The following DCDC2C variants were observed in gnomAD, a reference collection of about 807,000 sequenced individuals.
DCDC2C encodes the protein doublecortin domain containing 2C, also known as doublecortin domain-containing protein 2C.
In DCDC2C, 44 loss-of-function variants were observed where a neutral mutation model predicts 45.0. That is an observed-to-expected ratio of 0.98 (90% CI 0.77 to 1.26). The LOEUF is 1.26. Ranked by LOEUF, DCDC2C falls within the 50% of genes most tolerant of loss-of-function variation. The probability of loss-of-function intolerance (pLI) is 0.00; values close to 1 mark genes in which losing one functional copy is unlikely to be tolerated. For missense variants in DCDC2C, 447 were observed against 468.9 expected, an observed-to-expected ratio of 0.95 and a Z score of 0.43; for synonymous variants, 187 against 178.8, an observed-to-expected ratio of 1.05 and a Z score of -0.37.
At chr2:3,847,123 C>T (rs2148251417) in intron 10 of DCDC2C, 31 bp from the exon 11 acceptor site, 3 of 1,220,236 alleles carry the variant, frequency 2.5e-6, no homozygotes, top group Non-Finnish European at 3.1e-6. Flanking sequence ...TGAAGATGTT[C>T]TCTGTTAACC....
chr2:3,844,241 C>G (rs1672275668), intron 10 of DCDC2C: 1 of 152,858 alleles, frequency 6.5e-6, no homozygotes, highest in South Asian at 2.1e-4. Flanking sequence ...GCAGCCATGC[C>G]TGGGACAGCC....
chr2:3,762,162 C>CTTTTTTTTTTTTTTTTTTTTTTTTT (rs56067833), intron 6 of DCDC2C, among the ~76,000 whole-genome samples: 1 of 127,644 alleles, frequency 7.8e-6, no homozygotes, highest in Non-Finnish European at 1.6e-5. Context: ...TTGCTTGAAC[C>CTTTTTTTTTTTTTTTTTTTTTTTTT]TTTTTTTTTT....
chr2:3,847,059 C>T, intron 10 of DCDC2C, 95 bp from the exon 11 acceptor site: 1 of 336,062 alleles, frequency 3.0e-6, no homozygotes, highest in Non-Finnish European at 4.2e-6. Flanking sequence ...CAGAATCCAA[C>T]AGAAATGCAA....
intron 10 of DCDC2C, among the ~76,000 whole-genome samples, chr2:3,805,112 A>G (rs1671206738): frequency 6.6e-6 from 1 of 152,212 alleles, no homozygotes; most frequent in Admixed American, 6.5e-5. Flanking sequence ...TGCAGGGCCA[A>G]TGACAACTGA....
rs748436570 is a variant in DCDC2C at position 3,734,813 on chromosome 2, A to T, written c.417-7107A>T. 6.6e-6 allele frequency among the ~76,000 whole-genome samples: 1 copy of T among 152,222 alleles called. No homozygotes were observed. The highest frequency in any genetic ancestry group is 2.4e-5 in the African/African-American group (1 of 41,452). ...TCCTCTCCTTCATGCACAAGGAAGGACAAAGGCAGGGAGTAATTGGGAAGT... is the reference window on the plus strand; with the variant it reads ...TCCTCTCCTTCATGCACAAGGAAGGTCAAAGGCAGGGAGTAATTGGGAAGT... On this transcript the variant is annotated intron_variant, in intron 3 of 10. Transcript: ENST00000399143. This position sits in a 1 kb window ranked among gnomAD's most constrained non-coding sequence, Gnocchi z 4.2.
intron 10 of DCDC2C, among the ~76,000 whole-genome samples, chr2:3,806,600 T>C (rs561992429): frequency 6.6e-6 from 1 of 151,432 alleles, no homozygotes; most frequent in Non-Finnish European, 1.5e-5. Context: ...TGGAGTGCAA[T>C]GGCGTGATCT....
At chr2:3,762,953 G>T (rs376793086) in intron 6 of DCDC2C, among the ~76,000 whole-genome samples, 1 of 152,124 alleles carries the variant, frequency 6.6e-6, no homozygotes, top group Admixed American at 6.5e-5. Flanking sequence ...GGGGAGGCAG[G>T]CTGGGCCTGG....
intron 6 of DCDC2C, among the ~76,000 whole-genome samples, chr2:3,758,697 G>A (rs953417875): frequency 6.6e-6 from 1 of 152,116 alleles, no homozygotes; most frequent in Non-Finnish European, 1.5e-5. Flanking sequence ...CTCTAAGTCC[G>A]GTGGGTTGGC....
At position 3,816,006 on chromosome 2, in the gene DCDC2C, T is replaced by G. The variant is rs572626862; in HGVS notation, c.1065+30906T>G. On this transcript the variant is annotated intron_variant, in intron 10 of 10. Transcript: ENST00000399143. ...GCATTGGGGTGGCAAAAATTTTTTT[T>G]GGGTGGTATGGAGAGATAACGGGTG... 1.6e-4 allele frequency among the ~76,000 whole-genome samples: 24 copies of G among 148,752 alleles called. No homozygotes were observed. In the Middle Eastern group the frequency reaches 0.014, roughly 87 times the overall value.
At chr2:3,745,413 C>CT (rs1669332329) in intron 4 of DCDC2C, among the ~76,000 whole-genome samples, 1 of 152,192 alleles carries the variant, frequency 6.6e-6, no homozygotes, top group African/African-American at 2.4e-5. Flanking sequence ...GATCAATAAA[C>CT]TAATTTATTT....
chr2:3,762,436 A>G (rs916261652), intron 6 of DCDC2C, among the ~76,000 whole-genome samples: 2 of 152,192 alleles, frequency 1.3e-5, no homozygotes, highest in African/African-American at 4.8e-5. Context: ...GGGAATTTAT[A>G]AAGAAAAGAG....
chr2:3,749,992 T>C (rs971603025), intron 4 of DCDC2C, among the ~76,000 whole-genome samples: 5 of 151,964 alleles, frequency 3.3e-5, no homozygotes, highest in African/African-American at 1.2e-4. Flanking sequence ...CAGCTCATTT[T>C]CCCCTCTACC....
intron 10 of DCDC2C, among the ~76,000 whole-genome samples, chr2:3,838,356 G>A (rs1196454681): frequency 6.6e-6 from 1 of 152,004 alleles, no homozygotes; most frequent in Non-Finnish European, 1.5e-5. Context: ...TCTGTGGTAA[G>A]GAGCAGGATC....
intron 5 of DCDC2C, among the ~76,000 whole-genome samples, chr2:3,753,479 T>G (rs1326134296): frequency 6.6e-6 from 1 of 152,224 alleles, no homozygotes; most frequent in African/African-American, 2.4e-5. Context: ...TGTTTAGCCC[T>G]GACGGGTGTG....
chr2:3,845,363 C>A (rs1200580174), intron 10 of DCDC2C, among the ~76,000 whole-genome samples: 3 of 152,188 alleles, frequency 2.0e-5, no homozygotes, highest in African/African-American at 4.8e-5. Flanking sequence ...CTGCACTTGA[C>A]TCCAGGTTGG....
At chr2:3,839,973 G>C (rs981838556) in intron 10 of DCDC2C, among the ~76,000 whole-genome samples, 1 of 152,240 alleles carries the variant, frequency 6.6e-6, no homozygotes, top group Admixed American at 6.5e-5. Context: ...TGAATTGGCA[G>C]AGAAGCCCGT....
At chr2:3,800,596 A>G (rs1381780558) in intron 10 of DCDC2C, among the ~76,000 whole-genome samples, 3 of 149,776 alleles carry the variant, frequency 2.0e-5, no homozygotes, top group Non-Finnish European at 3.0e-5. Flanking sequence ...TGCAATGTGC[A>G]CAATCACATA....
At chr2:3,739,861 G>C (rs1378072283) in intron 3 of DCDC2C, among the ~76,000 whole-genome samples, 3 of 152,218 alleles carry the variant, frequency 2.0e-5, no homozygotes, top group Non-Finnish European at 4.4e-5. Context: ...TGTAACACAG[G>C]CCCACTGGGG....
chr2:3,717,104 C>T (rs531442264), intron 2 of DCDC2C, among the ~76,000 whole-genome samples: 6 of 152,222 alleles, frequency 3.9e-5, no homozygotes, highest in African/African-American at 1.2e-4. Context: ...GTTGTCATTG[C>T]CTGTCTTTTG....
Sources: gnomAD v4.1 joint callset for allele counts (sites outside exome capture counted in the v4.1 genomes callset) on GRCh38, gnomAD v4.1.1 for gene constraint, Gnocchi (gnomAD v3.1) non-coding constraint, MANE v1.5 for transcripts, NCBI Gene and HGNC (gene_info 2026-07-23, HGNC 2026-07-21) for gene names.